ARHGEF7: variants seen among roughly 807,000 people sequenced by gnomAD.
ARHGEF7 encodes the protein Rho guanine nucleotide exchange factor 7.
In ARHGEF7, 33 loss-of-function variants were observed where a neutral mutation model predicts 109.8. The ratio of observed to expected loss-of-function variants is 0.30; its 90% CI spans 0.23 to 0.40. The LOEUF is 0.40. ARHGEF7 is among the 10% of genes least tolerant of loss of function. The pLI, the probability that ARHGEF7 is intolerant of heterozygous loss-of-function variation, is 1.00. For missense variants in ARHGEF7, 938 were observed against 1,098.5 expected (o/e 0.85, Z 2.07); for synonymous variants, 458 against 424.6 (o/e 1.08, Z -0.97).
At chr13:111,198,791 C>T (rs1170982724) in intron 2 of ARHGEF7, among the ~76,000 whole-genome samples, 3 of 152,136 alleles carry the variant, frequency 2.0e-5, no homozygotes, top group African/African-American at 4.8e-5. Context: ...GGGTGGCCAG[C>T]TTTTATTCCC....
intron 19 of ARHGEF7, 104 bp downstream of exon 19, chr13:111,292,398 T>C (rs746033183): frequency 6.5e-6 from 10 of 1,543,596 alleles, no homozygotes; most frequent in Non-Finnish European, 8.7e-6. Context: ...AGATGTTTTC[T>C]TGCTGTTCCT....
chr13:111,142,446 A>C (rs2075390410), intron 1 of ARHGEF7, among the ~76,000 whole-genome samples: 1 of 4,782 alleles, frequency 2.1e-4, no homozygotes, highest in Admixed American at 1.7e-3. Flanking sequence ...ATTGCTACAC[A>C]TCTTATTCAC....
intron 2 of ARHGEF7, among the ~76,000 whole-genome samples, chr13:111,162,192 A>G (rs546024957): frequency 6.6e-6 from 1 of 152,126 alleles, no homozygotes; most frequent in Non-Finnish European, 1.5e-5. Flanking sequence ...AATCTTTTAT[A>G]TATTTTCTTT....
intron 1 of ARHGEF7, among the ~76,000 whole-genome samples, chr13:111,127,248 A>G (rs1161026105): frequency 1.3e-5 from 2 of 152,240 alleles, no homozygotes; most frequent in Non-Finnish European, 2.9e-5. Flanking sequence ...TTACAGAAAT[A>G]AATTTGTAGA....
At chr13:111,185,594 C>G (rs2079164887) in intron 2 of ARHGEF7, among the ~76,000 whole-genome samples, 1 of 152,238 alleles carries the variant, frequency 6.6e-6, no homozygotes, top group Non-Finnish European at 1.5e-5. Context: ...AATGTTACTG[C>G]TTCACTTACT....
intron 12 of ARHGEF7, among the ~76,000 whole-genome samples, chr13:111,276,645 G>T (rs1778384374): frequency 1.3e-5 from 2 of 152,202 alleles, no homozygotes; most frequent in Admixed American, 1.3e-4. Flanking sequence ...GATTCTTTAT[G>T]ATAGAGCTCC....
chr13:111,147,299 C>T (rs1460621645), intron 1 of ARHGEF7, among the ~76,000 whole-genome samples: 5 of 152,208 alleles, frequency 3.3e-5, no homozygotes, highest in Non-Finnish European at 7.3e-5. Flanking sequence ...CATTTACACT[C>T]CCATTAGTCG....
At position 111,228,716 on chromosome 13, in the gene ARHGEF7, C is replaced by G. The variant is rs1168299722; in HGVS notation, c.671-4489C>G. ...AAAGCGGCAGGCAGACACTGCTGAG[C>G]ACGGGCAGACACACACAGACATTGA... On this transcript the variant is annotated intron_variant, in intron 5 of 21. Coordinates refer to ENST00000646102, the MANE Select transcript of ARHGEF7 (RefSeq NM_001354046.2). This position sits in a 1 kb window ranked among gnomAD's most constrained non-coding sequence, Gnocchi z 4.6. Among the ~76,000 whole-genome samples, 1 of 152,064 alleles carries G rather than the reference C, an allele frequency of 6.6e-6. No homozygotes were observed. The highest frequency in any genetic ancestry group is 1.5e-5 in the Non-Finnish European group (1 of 68,022).
chr13:111,265,746 G>C (rs2153582061), intron 8 of ARHGEF7: 2 of 455,446 alleles, frequency 4.4e-6, no homozygotes, highest in Middle Eastern at 8.1e-4. Flanking sequence ...TGAGGATGCA[G>C]CCCTCATGAA....
At chr13:111,157,505 C>A (rs2076430203) in intron 2 of ARHGEF7, among the ~76,000 whole-genome samples, 1 of 151,576 alleles carries the variant, frequency 6.6e-6, no homozygotes, top group South Asian at 2.1e-4. Flanking sequence ...CATGGTGAAA[C>A]CCCATCTCTA....
intron 2 of ARHGEF7, among the ~76,000 whole-genome samples, chr13:111,175,412 G>A (rs546024572): frequency 3.9e-5 from 6 of 152,350 alleles, no homozygotes; most frequent in African/African-American, 1.4e-4. Context: ...CTCAAAGCCT[G>A]GGAGCACCTC....
At chr13:111,249,595 C>T (rs969777091) in intron 8 of ARHGEF7, among the ~76,000 whole-genome samples, 7 of 152,144 alleles carry the variant, frequency 4.6e-5, no homozygotes, top group Middle Eastern at 3.4e-3. Flanking sequence ...TTCTCTTTCA[C>T]GGGAAGGGTG....
chr13:111,200,514 G>A (rs981223081), intron 2 of ARHGEF7, among the ~76,000 whole-genome samples: 1 of 151,308 alleles, frequency 6.6e-6, no homozygotes, highest in Non-Finnish European at 1.5e-5. Context: ...AACTGGAAGT[G>A]ACTTTAGAGG....
At chr13:111,256,178 C>T (rs1024910288) in intron 8 of ARHGEF7, among the ~76,000 whole-genome samples, 5 of 152,056 alleles carry the variant, frequency 3.3e-5, no homozygotes, top group Admixed American at 6.5e-5. Flanking sequence ...ATGGAGGAGG[C>T]GGTAGCTACG....
At chr13:111,230,176 A>T (rs1271445302) in intron 5 of ARHGEF7, among the ~76,000 whole-genome samples, 1 of 152,124 alleles carries the variant, frequency 6.6e-6, no homozygotes, top group Non-Finnish European at 1.5e-5. Context: ...GTTTATTTTA[A>T]GAAAGGGAAG....
In ARHGEF7 at chr13:111,154,009, C is replaced by A; in HGVS notation, c.252+18C>A. On this transcript the variant is annotated intron_variant, in intron 2 of 21. Coordinates refer to ENST00000646102, the MANE Select transcript of ARHGEF7 (RefSeq NM_001354046.2). ...GGCTGGAGGTGAGCGCGGGCGGCCA[C>A]GGGCCGAGGGAGGGGCCGGGAAGAC... The A allele has an allele frequency of 6.3e-7, 1 of 1,592,176 alleles. No homozygotes were observed. The highest frequency in any genetic ancestry group is 8.5e-7 in the Non-Finnish European group (1 of 1,173,132).
intron 1 of ARHGEF7, among the ~76,000 whole-genome samples, chr13:111,135,095 A>G (rs1437406052): frequency 6.6e-6 from 1 of 152,194 alleles, no homozygotes; most frequent in Non-Finnish European, 1.5e-5. Context: ...GGTTTGTCAA[A>G]GATCAGATAG....
At chr13:111,186,824 A>G (rs997401352) in intron 2 of ARHGEF7, 1 of 985,324 alleles carries the variant, frequency 1.0e-6, no homozygotes, top group Admixed American at 6.1e-5. Flanking sequence ...GCTCAGTCCC[A>G]CATTGCAGAG....
chr13:111,216,777 C>T (rs1370366905), intron 4 of ARHGEF7, among the ~76,000 whole-genome samples: 7 of 152,178 alleles, frequency 4.6e-5, no homozygotes, highest in South Asian at 2.1e-4. Flanking sequence ...GCTCCTGTGC[C>T]GGCACGAGCA....
Sources: allele counts gnomAD v4.1 joint callset (sites outside exome capture counted in the v4.1 genomes callset), GRCh38; gene constraint gnomAD v4.1.1; non-coding constraint Gnocchi (gnomAD v3.1); transcripts MANE v1.5; gene names NCBI Gene and HGNC (gene_info 2026-07-23, HGNC 2026-07-21).